RPS6KA2: variants seen among roughly 807,000 people sequenced by gnomAD.
RPS6KA2 encodes ribosomal protein S6 kinase A2, also known as ribosomal protein S6 kinase alpha-2.
In RPS6KA2, 42 loss-of-function variants were observed where a neutral mutation model predicts 91.8. The ratio of observed to expected loss-of-function variants is 0.46; its 90% CI spans 0.36 to 0.59. RPS6KA2 has a LOEUF of 0.59. Ranked by LOEUF, RPS6KA2 falls within the 20% of genes least tolerant of loss-of-function variation. The pLI, the probability that RPS6KA2 is intolerant of heterozygous loss-of-function variation, is 0.00. For synonymous variants in RPS6KA2, 414 were observed against 393.6 expected, an observed-to-expected ratio of 1.05 and a Z score of -0.61; for missense variants, 798 against 978.5, an observed-to-expected ratio of 0.82 and a Z score of 2.46.
intron 2 of RPS6KA2, among the ~76,000 whole-genome samples, chr6:166,694,293 T>A (rs1789296609): frequency 2.0e-5 from 3 of 152,180 alleles, no homozygotes. Context: ...GGAGCGGGAG[T>A]TGGACGGCCT....
intron 1 of RPS6KA2, among the ~76,000 whole-genome samples, chr6:166,625,459 T>C (rs918866903): frequency 3.3e-5 from 5 of 151,712 alleles, no homozygotes; most frequent in African/African-American, 7.3e-5. Flanking sequence ...GAACTCCCAC[T>C]GGTCAGCCAG....
At chr6:166,472,313 G>A (rs1583178921) in intron 10 of RPS6KA2, among the ~76,000 whole-genome samples, 1 of 152,190 alleles carries the variant, frequency 6.6e-6, no homozygotes, top group East Asian at 1.9e-4. Context: ...TGCAAATATG[G>A]TCTGCAGGAA....
intron 6 of RPS6KA2, among the ~76,000 whole-genome samples, chr6:166,502,731 AG>A (rs1269368115): frequency 6.6e-6 from 1 of 152,172 alleles, no homozygotes; most frequent in African/African-American, 2.4e-5. Context: ...AATTAAGGAG[AG>A]GCGAAAGGGG....
In RPS6KA2 at chr6:166,666,120, A is replaced by G. The variant is rs142729505; in HGVS notation, c.124-127336T>C. 5.1e-3 allele frequency among the ~76,000 whole-genome samples: 770 copies of G among 152,320 alleles called. 9 individuals are homozygous for G. The highest frequency in any genetic ancestry group is 0.018 in the African/African-American group (730 of 41,554). ...TGATCCGCAAATGATGGCAGGAAAA[A>G]GCTGAACTCACTTCAGAAGTTGGTG... On this transcript the variant is annotated intron_variant, in intron 2 of 21. Coordinates refer to the RPS6KA2 transcript ENST00000503859. The surrounding 1 kb of genome is among the most constrained non-coding windows in gnomAD (Gnocchi z 4.0).
At chr6:166,765,762 G>T (rs1778295367) in intron 2 of RPS6KA2, among the ~76,000 whole-genome samples, 1 of 152,162 alleles carries the variant, frequency 6.6e-6, no homozygotes, top group Non-Finnish European at 1.5e-5. Flanking sequence ...ATCGACTTAA[G>T]GTGTTTTAGG....
At chr6:166,727,319 AACAC>A (rs10541160) in intron 2 of RPS6KA2, among the ~76,000 whole-genome samples, 2,263 of 146,588 alleles carry the variant, frequency 0.015, 47 homozygotes, top group African/African-American at 0.046. Context: ...TAAACAAACA[AACAC>A]ACACACACAC....
chr6:166,532,961 G>A (rs1173320562), intron 2 of RPS6KA2, among the ~76,000 whole-genome samples: 2 of 152,094 alleles, frequency 1.3e-5, no homozygotes, highest in African/African-American at 4.8e-5. Flanking sequence ...ACAGGCACAA[G>A]CCCTTCTCCG....
At chr6:166,652,433 G>A (rs986170616) in intron 2 of RPS6KA2, among the ~76,000 whole-genome samples, 7 of 152,084 alleles carry the variant, frequency 4.6e-5, no homozygotes, top group African/African-American at 1.4e-4. Flanking sequence ...TTCCCATGAG[G>A]AGTTTGATCG....
chr6:166,824,437 T>C (rs1193152743), intron 2 of RPS6KA2, among the ~76,000 whole-genome samples: 3 of 152,348 alleles, frequency 2.0e-5, no homozygotes, highest in East Asian at 1.9e-4. Flanking sequence ...CTGGGGGACA[T>C]ACTTCCCAAC....
chr6:166,740,609 C>A (rs1790786208), intron 2 of RPS6KA2, among the ~76,000 whole-genome samples: 1 of 152,174 alleles, frequency 6.6e-6, no homozygotes, highest in Non-Finnish European at 1.5e-5. Flanking sequence ...TAAAAACTTT[C>A]TTCTTACAAA....
chr6:166,632,077 C>A (rs1787097114), upstream of RPS6KA2, among the ~76,000 whole-genome samples: 1 of 152,154 alleles, frequency 6.6e-6, no homozygotes, highest in Admixed American at 6.5e-5. Context: ...GCTTTGTACC[C>A]TTTGAGCAAC....
chr6:166,545,620 T>G (rs1562570169), intron 1 of RPS6KA2, among the ~76,000 whole-genome samples: 1 of 152,156 alleles, frequency 6.6e-6, no homozygotes, highest in Non-Finnish European at 1.5e-5. Flanking sequence ...ACCCCGTCCC[T>G]GTTCATTTTA....
rs1158637691 is a variant in RPS6KA2, at chr6:166,412,916, C to T, written c.2077-29G>A. 5.9e-6 allele frequency: 9 copies of T among 1,534,502 alleles called. No homozygotes were observed. Among genetic ancestry groups the T allele is most frequent in the African/African-American group, 5.5e-5 (4 of 72,700 alleles). ...CAAAACAGAAGACAAGGGTGAGAGC[C>T]GCGGCGCCTCACTCCAGGGGTTGAG... is the stretch of plus-strand genomic sequence containing the variant. On this transcript the variant is annotated intron_variant, in intron 20 of 20. Coordinates refer to ENST00000265678, the MANE Select transcript of RPS6KA2 (RefSeq NM_021135.6). The surrounding 1 kb of genome is among the most constrained non-coding windows in gnomAD (Gnocchi z 4.3).
intron 2 of RPS6KA2, among the ~76,000 whole-genome samples, chr6:166,729,939 G>A (rs1008894383): frequency 2.0e-5 from 3 of 152,198 alleles, no homozygotes; most frequent in African/African-American, 7.2e-5. Flanking sequence ...ATGAGGAGAA[G>A]CAATCCCACT....
chr6:166,535,722 C>T lies in RPS6KA2; in HGVS notation c.216+2946G>A, dbSNP rs537073870. Among the ~76,000 whole-genome samples the T allele has an allele frequency of 2.0e-5, 3 of 152,378 alleles. No individual in the cohort carries two copies. The East Asian group carries it at 5.8e-4, about 29-fold the overall frequency. Reference sequence around the variant, plus strand: ...TCCTTTCAACACTGAACAAGCTTCACCATCTTTCATTGCTTTCCTGATTCA... The same window carrying T: ...TCCTTTCAACACTGAACAAGCTTCATCATCTTTCATTGCTTTCCTGATTCA... On this transcript the variant is annotated intron_variant, in intron 2 of 20. Coordinates refer to ENST00000265678, the MANE Select transcript of RPS6KA2 (RefSeq NM_021135.6).
chr6:166,545,591 C>T (rs1388896768), intron 1 of RPS6KA2, among the ~76,000 whole-genome samples: 2 of 152,142 alleles, frequency 1.3e-5, no homozygotes, highest in Non-Finnish European at 2.9e-5. Flanking sequence ...TCTATCCAAA[C>T]TTGCCTTTCT....
chr6:166,436,327 A>C (rs1042410359), intron 14 of RPS6KA2, among the ~76,000 whole-genome samples: 11 of 152,050 alleles, frequency 7.2e-5, no homozygotes, highest in African/African-American at 2.4e-4. Context: ...AAAAAAAAAA[A>C]AAAAAAACCT....
At chr6:166,589,945 A>T (rs1485957006) in intron 1 of RPS6KA2, among the ~76,000 whole-genome samples, 1 of 152,150 alleles carries the variant, frequency 6.6e-6, no homozygotes, top group Admixed American at 6.5e-5. Context: ...CAGGCATGCA[A>T]GTGAGATACA....
intron 2 of RPS6KA2, among the ~76,000 whole-genome samples, chr6:166,789,244 C>A (rs551305005): frequency 6.6e-6 from 1 of 152,220 alleles, no homozygotes; most frequent in Non-Finnish European, 1.5e-5. Flanking sequence ...CCTACGCCCA[C>A]GGAGTCTCGC....
Sources: gnomAD v4.1 joint callset for allele counts (sites outside exome capture counted in the v4.1 genomes callset) on GRCh38, gnomAD v4.1.1 for gene constraint, Gnocchi (gnomAD v3.1) non-coding constraint, MANE v1.5 for transcripts, NCBI Gene and HGNC (gene_info 2026-07-23, HGNC 2026-07-21) for gene names.